KCND2: variants seen among roughly 807,000 people sequenced by gnomAD.
KCND2 encodes A-type voltage-gated potassium channel KCND2.
In KCND2, 16 loss-of-function variants were observed where a neutral mutation model predicts 54.4. The ratio of observed to expected loss-of-function variants is 0.29; its 90% CI spans 0.20 to 0.45. KCND2 has a LOEUF of 0.45. KCND2 is among the 20% of genes least tolerant of loss of function. The pLI is 1.00. For missense variants in KCND2, 486 were observed against 824.2 expected (o/e 0.59, Z 5.02); for synonymous variants, 317 against 310.7 (o/e 1.02, Z -0.21).
intron 1 of KCND2, among the ~76,000 whole-genome samples, chr7:120,558,695 G>A (rs1465875177): frequency 6.6e-6 from 1 of 152,126 alleles, no homozygotes; most frequent in African/African-American, 2.4e-5. Flanking sequence ...AGCTTTTCAA[G>A]TGGTGAGCTG....
intron 1 of KCND2, among the ~76,000 whole-genome samples, chr7:120,660,961 T>C (rs186343574): frequency 6.6e-6 from 1 of 151,476 alleles, no homozygotes; most frequent in Non-Finnish European, 1.5e-5. Flanking sequence ...TTTCATTTAT[T>C]TTTATTTTTG....
intron 1 of KCND2, among the ~76,000 whole-genome samples, chr7:120,283,074 T>C (rs1799289002): frequency 6.6e-6 from 1 of 152,182 alleles, no homozygotes. Context: ...GGGGTTGGCA[T>C]TTAAGCCAAT....
intron 1 of KCND2, among the ~76,000 whole-genome samples, chr7:120,351,778 TTTC>T: frequency 6.6e-6 from 1 of 152,086 alleles, no homozygotes; most frequent in Admixed American, 6.6e-5. Context: ...GCTATTTTCT[TTTC>T]TTTTCTTTTT....
chr7:120,410,713 C>T (rs896915758), intron 1 of KCND2, among the ~76,000 whole-genome samples: 2 of 117,946 alleles, frequency 1.7e-5, no homozygotes, highest in African/African-American at 6.5e-5. Flanking sequence ...TACCCCACAA[C>T]AGGCCCTAGT....
chr7:120,503,436 G>A (rs1802967221), intron 1 of KCND2, among the ~76,000 whole-genome samples: 1 of 151,294 alleles, frequency 6.6e-6, no homozygotes, highest in South Asian at 2.1e-4. Flanking sequence ...GAAACAAGGA[G>A]GTAAATGCAG....
In KCND2 at chr7:120,415,104, A is replaced by G. The variant is rs150319538; in HGVS notation, c.1115+139357A>G. Among the ~76,000 whole-genome samples the G allele has an allele frequency of 6.1e-3, 922 of 152,298 alleles. 25 individuals carry two copies. Among genetic ancestry groups the G allele is most frequent in the Admixed American group, 0.051 (783 of 15,290 alleles). On this transcript the variant is annotated intron_variant, in intron 1 of 5. Transcript: ENST00000331113. ...CAATGTACATTAAACTACTACCACT[A>G]TAACTACTTTATATTTGTTAGCTTT...
chr7:120,611,489 G>A (rs976874654), intron 1 of KCND2, among the ~76,000 whole-genome samples: 1 of 152,078 alleles, frequency 6.6e-6, no homozygotes, highest in Non-Finnish European at 1.5e-5. Context: ...GAATGTGAGT[G>A]GTTTTTGCGA....
chr7:120,470,046 A>T (rs1802431894), intron 1 of KCND2, among the ~76,000 whole-genome samples: 1 of 151,970 alleles, frequency 6.6e-6, no homozygotes, highest in South Asian at 2.1e-4. Context: ...AATTTCACTT[A>T]TTTTTTTCAC....
intron 1 of KCND2, among the ~76,000 whole-genome samples, chr7:120,468,217 C>T (rs774545270): frequency 1.2e-4 from 18 of 152,040 alleles, no homozygotes; most frequent in Non-Finnish European, 1.9e-4. Context: ...TTTGTTTTCC[C>T]GTTTAAATCC....
intron 1 of KCND2, among the ~76,000 whole-genome samples, chr7:120,607,774 G>A (rs1485131247): frequency 6.6e-6 from 1 of 152,066 alleles, no homozygotes. Context: ...GGGCTGTGGT[G>A]TAAATTCTAG....
chr7:120,496,283 T>C (rs1230464045), intron 1 of KCND2, among the ~76,000 whole-genome samples: 1 of 152,046 alleles, frequency 6.6e-6, no homozygotes, highest in Non-Finnish European at 1.5e-5. Context: ...TATACTCTTT[T>C]TGTGTCTTCC....
intron 1 of KCND2, among the ~76,000 whole-genome samples, chr7:120,574,815 T>C (rs1421293379): frequency 6.6e-6 from 1 of 152,156 alleles, no homozygotes; most frequent in African/African-American, 2.4e-5. Context: ...ACAAAACAAA[T>C]AGCTGTTGTT....
chr7:120,580,677 T>C (rs1335685070), intron 1 of KCND2, among the ~76,000 whole-genome samples: 1 of 152,238 alleles, frequency 6.6e-6, no homozygotes, highest in Non-Finnish European at 1.5e-5. Context: ...TATGGTTTTA[T>C]TTTATCTTGT....
chr7:120,363,349 A>G (rs553751241), intron 1 of KCND2, among the ~76,000 whole-genome samples: 18 of 152,216 alleles, frequency 1.2e-4, no homozygotes, highest in African/African-American at 4.3e-4. Flanking sequence ...CAAACCACAT[A>G]TGCCCAAAAC....
intron 1 of KCND2, among the ~76,000 whole-genome samples, chr7:120,693,796 G>C (rs1273055518): frequency 6.6e-6 from 1 of 152,228 alleles, no homozygotes. Context: ...GTCTGAATCT[G>C]CAGTGGATCT....
In KCND2 at chr7:120,275,067, C is replaced by T. The variant is rs745706199; in HGVS notation, c.435C>T (p.Ala145=). 1 of 1,613,914 alleles carries T rather than the reference C, an allele frequency of 6.2e-7. No homozygotes were observed. The highest frequency in any genetic ancestry group is 1.1e-5 in the South Asian group (1 of 91,068). ...EEYKDRRREN[A]ERLQDDADTD... is the part of the protein sequence containing the mutation. ...ACAAGGATCGCAGGCGAGAGAACGC[C>T]GAGCGCCTGCAGGACGACGCGGATA... The change falls in exon 1 of 6, where the codon GCC becomes GCT. Residue 145 remains alanine, a synonymous_variant. Transcript: ENST00000331113.
At chr7:120,615,971 G>T (rs1793018656) in intron 1 of KCND2, among the ~76,000 whole-genome samples, 1 of 152,114 alleles carries the variant, frequency 6.6e-6, no homozygotes, top group Non-Finnish European at 1.5e-5. Context: ...ATGTCCCTCA[G>T]CCTTTACTTC....
intron 1 of KCND2, among the ~76,000 whole-genome samples, chr7:120,377,086 C>A (rs1032698973): frequency 6.6e-6 from 1 of 151,872 alleles, no homozygotes; most frequent in African/African-American, 2.4e-5. Context: ...AAATTGGGTT[C>A]AAATTCTGAC....
chr7:120,402,256 C>G (rs1265256466), intron 1 of KCND2, among the ~76,000 whole-genome samples: 1 of 152,102 alleles, frequency 6.6e-6, no homozygotes, highest in African/African-American at 2.4e-5. Flanking sequence ...TTGAAATCTT[C>G]AGATGAAAGG....
Sources: gnomAD v4.1 joint callset for allele counts (sites outside exome capture counted in the v4.1 genomes callset) on GRCh38, gnomAD v4.1.1 for gene constraint, MANE v1.5 for transcripts, NCBI Gene and HGNC (gene_info 2026-07-23, HGNC 2026-07-21) for gene names.